LRP1B: variants seen among roughly 807,000 people sequenced by gnomAD.
The protein encoded by LRP1B is LDL receptor related protein 1B.
Under a neutral mutation model 556.6 loss-of-function variants are expected in LRP1B, and 217 were observed. The observed-to-expected ratio is 0.39, with a 90% CI of 0.35 to 0.44. The LOEUF is 0.44. Ranked by LOEUF, LRP1B falls within the 20% of genes least tolerant of loss-of-function variation. The probability of loss-of-function intolerance (pLI) is 1.00; values close to 1 mark genes in which losing one functional copy is unlikely to be tolerated. For synonymous variants in LRP1B, 2,047 were observed against 1,865.8 expected (o/e 1.10, Z -2.50); for missense variants, 5,053 against 5,620.8 (o/e 0.90, Z 3.23).
rs745642520 is a variant in LRP1B at position 140,356,392 on chromosome 2, C to T, written c.11480G>A (p.Cys3827Tyr). Residue 3827 changes from cysteine (C) to tyrosine (Y), a missense_variant, in exon 75 of 91, where the codon TGT becomes TAT. Coordinates refer to ENST00000389484, the MANE Select transcript of LRP1B (RefSeq NM_018557.3). Reference protein sequence around the residue: ...YCNQIKTSVFCRCKPGFQRNM... With the variant: ...YCNQIKTSVFYRCKPGFQRNM... ...TCTCTGAAATCCAGGCTTACAGCGACAGAAAACAGATGTTTTTATTTGATT... is the reference window on the plus strand; with the variant it reads ...TCTCTGAAATCCAGGCTTACAGCGATAGAAAACAGATGTTTTTATTTGATT... The T allele has an allele frequency of 2.5e-6, 4 of 1,610,798 alleles. No homozygotes were observed. The highest frequency in any genetic ancestry group is 8.5e-7 in the Non-Finnish European group (1 of 1,177,768).
chr2:141,604,116 G>A (rs576800647), intron 2 of LRP1B, among the ~76,000 whole-genome samples: 7 of 152,174 alleles, frequency 4.6e-5, no homozygotes, highest in Non-Finnish European at 8.8e-5. Flanking sequence ...AATGTATATC[G>A]ATGGATGGTC....
At chr2:141,231,139 A>G (rs10496872) in intron 5 of LRP1B, among the ~76,000 whole-genome samples, 12,841 of 152,308 alleles carry the variant, frequency 0.084, 569 homozygotes, top group South Asian at 0.11. Flanking sequence ...TGACCATTCT[A>G]TAAGAAACTG....
chr2:141,753,426 G>C (rs1405419732), intron 2 of LRP1B, among the ~76,000 whole-genome samples: 1 of 150,554 alleles, frequency 6.6e-6, no homozygotes, highest in Non-Finnish European at 1.5e-5. Flanking sequence ...AGCCACAATG[G>C]GCCCACCAGT....
At chr2:141,600,321 A>T (rs2105307578) in intron 2 of LRP1B, among the ~76,000 whole-genome samples, 1 of 152,284 alleles carries the variant, frequency 6.6e-6, no homozygotes, top group Middle Eastern at 3.4e-3. Flanking sequence ...GATAATTTTA[A>T]AAACCTTCCC....
At chr2:141,288,433 TAAGTA>T (rs1484081910) in intron 3 of LRP1B, among the ~76,000 whole-genome samples, 2 of 152,064 alleles carry the variant, frequency 1.3e-5, no homozygotes, top group East Asian at 1.9e-4. Flanking sequence ...AAATTCCAAA[TAAGTA>T]AAGTGAGACA....
intron 3 of LRP1B, among the ~76,000 whole-genome samples, chr2:141,316,536 G>T (rs563325362): frequency 6.6e-6 from 1 of 152,240 alleles, no homozygotes; most frequent in Admixed American, 6.5e-5. Flanking sequence ...GGGCACAAAG[G>T]AGGTAGGGAA....
intron 2 of LRP1B, among the ~76,000 whole-genome samples, chr2:141,653,356 T>A (rs574846792): frequency 6.6e-6 from 1 of 152,222 alleles, no homozygotes; most frequent in East Asian, 1.9e-4. Context: ...TGAACCAAAC[T>A]GACAATTTAT....
At chr2:140,955,453 G>C (rs149897894) in intron 18 of LRP1B, among the ~76,000 whole-genome samples, 279 of 151,682 alleles carry the variant, frequency 1.8e-3, no homozygotes, top group African/African-American at 4.9e-3. Context: ...CAAATTGCAG[G>C]ACACTTGCAA....
At chr2:141,905,775 G>GAGGGA (rs1699739187) in intron 1 of LRP1B, among the ~76,000 whole-genome samples, 3 of 149,216 alleles carry the variant, frequency 2.0e-5, no homozygotes, top group Admixed American at 1.3e-4. Context: ...ATGTGTGTGT[G>GAGGGA]TGTGTGTGTG....
At chr2:141,741,668 G>A (rs1693711166) in intron 2 of LRP1B, among the ~76,000 whole-genome samples, 1 of 152,044 alleles carries the variant, frequency 6.6e-6, no homozygotes, top group South Asian at 2.1e-4. Context: ...TTAGTTGTTT[G>A]AGTTCCTTAC....
chr2:140,753,332 A>G, intron 35 of LRP1B, among the ~76,000 whole-genome samples: 1 of 152,204 alleles, frequency 6.6e-6, no homozygotes, highest in Non-Finnish European at 1.5e-5. Flanking sequence ...ATCCTGTCTG[A>G]CTTCAGTACA....
intron 3 of LRP1B, among the ~76,000 whole-genome samples, chr2:141,310,137 A>G (rs1422422502): frequency 6.6e-6 from 1 of 152,202 alleles, no homozygotes; most frequent in Admixed American, 6.5e-5. Flanking sequence ...ACTAAGTACT[A>G]TAGTCAGTTT....
chr2:140,852,904 G>A (rs769043570), intron 27 of LRP1B, among the ~76,000 whole-genome samples: 2 of 151,616 alleles, frequency 1.3e-5, no homozygotes, highest in African/African-American at 2.4e-5. Context: ...AACCTATCTA[G>A]TAGAAAAAAG....
chr2:141,181,598 G>T (rs936165457), intron 7 of LRP1B, among the ~76,000 whole-genome samples: 1 of 151,796 alleles, frequency 6.6e-6, no homozygotes, highest in African/African-American at 2.4e-5. Flanking sequence ...AATGTGGAAC[G>T]TTTTTGCATT....
Position 140,742,124 on chromosome 2 carries a change from C to T in LRP1B, c.5759-25308G>A, listed in dbSNP as rs578015674. On this transcript the variant is annotated intron_variant, in intron 35 of 90. Transcript: ENST00000389484. ...GCGATTAAGAATGGAGCATCTAAAT[C>T]CACAAAGTAAAGTAAGTTATTAGGA... Among the ~76,000 whole-genome samples the T allele has an allele frequency of 1.1e-4, 17 of 152,268 alleles. No individual in the cohort carries two copies. In the South Asian group the frequency reaches 3.5e-3, roughly 32 times the overall value.
At chr2:140,761,804 A>C (rs1304430374) in intron 35 of LRP1B, among the ~76,000 whole-genome samples, 1 of 152,084 alleles carries the variant, frequency 6.6e-6, no homozygotes, top group Non-Finnish European at 1.5e-5. Context: ...AGCAGATGAC[A>C]CAGCAAGCTG....
intron 2 of LRP1B, among the ~76,000 whole-genome samples, chr2:141,552,665 G>A (rs1241136833): frequency 6.6e-6 from 1 of 151,850 alleles, no homozygotes; most frequent in Non-Finnish European, 1.5e-5. Flanking sequence ...AATTCCCTTT[G>A]TATTAAAAAA....
chr2:140,296,722 G>T lies in LRP1B; in HGVS notation c.12967+1086C>A, dbSNP rs1454113399. On this transcript the variant is annotated intron_variant, in intron 84 of 90. Coordinates refer to ENST00000389484, the MANE Select transcript of LRP1B (RefSeq NM_018557.3). ...ATGAAATGATTAACTGCTGAAAGTAGATGTAAAATAAGAATTGAGATTTGA... is the reference window on the plus strand; with the variant it reads ...ATGAAATGATTAACTGCTGAAAGTATATGTAAAATAAGAATTGAGATTTGA... Among the ~76,000 whole-genome samples, 3 of 152,118 alleles carry T rather than the reference G, an allele frequency of 2.0e-5. No individual in the cohort carries two copies. In the East Asian group the frequency reaches 5.8e-4, roughly 29 times the overall value.
At chr2:140,846,427 G>T (rs1204442559) in intron 29 of LRP1B, among the ~76,000 whole-genome samples, 1 of 151,882 alleles carries the variant, frequency 6.6e-6, no homozygotes, top group Non-Finnish European at 1.5e-5. Context: ...CATGGTGGCG[G>T]GTGCCTGTAA....
Sources: gnomAD v4.1 joint callset for allele counts (sites outside exome capture counted in the v4.1 genomes callset) on GRCh38, gnomAD v4.1.1 for gene constraint, MANE v1.5 for transcripts, NCBI Gene and HGNC (gene_info 2026-07-23, HGNC 2026-07-21) for gene names.